The following DIS3L2 variants were observed in gnomAD, a reference collection of about 807,000 sequenced individuals.
DIS3L2 encodes the protein DIS3 like 3'-5' exoribonuclease 2.
In DIS3L2, 34 loss-of-function variants were observed where a neutral mutation model predicts 97.5. The ratio of observed to expected loss-of-function variants is 0.35; its 90% CI spans 0.27 to 0.46. The LOEUF (loss-of-function observed/expected upper bound fraction) is 0.46. Ranked by LOEUF, DIS3L2 falls within the 20% of genes least tolerant of loss-of-function variation. The pLI is 1.00. For missense variants in DIS3L2, 1,038 were observed against 1,146.0 expected, an observed-to-expected ratio of 0.91 and a Z score of 1.36; for synonymous variants, 435 against 445.2, an observed-to-expected ratio of 0.98 and a Z score of 0.29.
At chr2:232,238,121 G>A (rs2106251696) in intron 10 of DIS3L2, among the ~76,000 whole-genome samples, 1 of 152,300 alleles carries the variant, frequency 6.6e-6, no homozygotes, top group African/African-American at 2.4e-5. Context: ...GCAATGGCCA[G>A]AGGGAATGGG....
chr2:232,078,788 A>G (rs1269401522), intron 5 of DIS3L2, among the ~76,000 whole-genome samples: 4 of 152,226 alleles, frequency 2.6e-5, no homozygotes, highest in Non-Finnish European at 5.9e-5. Context: ...TAATGCAGTA[A>G]AGAAATTGAG....
intron 9 of DIS3L2, among the ~76,000 whole-genome samples, chr2:232,166,527 C>A (rs1016357202): frequency 6.6e-6 from 1 of 152,120 alleles, no homozygotes; most frequent in African/African-American, 2.4e-5. Context: ...ACCATCCTGG[C>A]CAACATGGTG....
intron 9 of DIS3L2, among the ~76,000 whole-genome samples, chr2:232,181,027 C>T (rs1160587138): frequency 6.2e-5 from 5 of 80,666 alleles, no homozygotes; most frequent in South Asian, 9.2e-4. Flanking sequence ...AATCTCTCAG[C>T]ATTTGCTTGT....
At chr2:232,049,379 C>G (rs937045398) in intron 5 of DIS3L2, among the ~76,000 whole-genome samples, 2 of 152,132 alleles carry the variant, frequency 1.3e-5, no homozygotes, top group Non-Finnish European at 2.9e-5. Flanking sequence ...GAAACATAAT[C>G]TCAAATGCAC....
At chr2:232,184,457 C>CCTGGG (rs1691380298) in intron 9 of DIS3L2, among the ~76,000 whole-genome samples, 2 of 152,086 alleles carry the variant, frequency 1.3e-5, no homozygotes, top group Non-Finnish European at 2.9e-5. Context: ...TCCAGACTAG[C>CCTGGG]CTGGGCAACA....
At chr2:232,329,785 T>TCCCGGGGGGCCCCC in intron 14 of DIS3L2, 28 bp from the exon 15 acceptor site, 51 of 967,112 alleles carry the variant, frequency 5.3e-5, no homozygotes, top group East Asian at 1.2e-4. Flanking sequence ...ACCCCAGCGG[T>TCCCGGGGGGCCCCC]CCCTCCCATC....
At chr2:232,128,036 C>T (rs1002866351) in intron 6 of DIS3L2, among the ~76,000 whole-genome samples, 5 of 151,924 alleles carry the variant, frequency 3.3e-5, no homozygotes, top group African/African-American at 1.2e-4. Context: ...CTGCAGCCTC[C>T]ACTTCCTGGG....
At chr2:232,324,474 A>C (rs7595985) in intron 14 of DIS3L2, among the ~76,000 whole-genome samples, 64,059 of 151,256 alleles carry the variant, frequency 0.42, 17,548 homozygotes, top group African/African-American at 0.78. Flanking sequence ...AAAATGGACT[A>C]ATTTTCAGCT....
At chr2:232,141,349 G>A (rs1034695637) in intron 8 of DIS3L2, among the ~76,000 whole-genome samples, 3 of 152,200 alleles carry the variant, frequency 2.0e-5, no homozygotes, top group African/African-American at 7.2e-5. Flanking sequence ...CAGCTACCGT[G>A]AGGAACTTAA....
intron 1 of DIS3L2, among the ~76,000 whole-genome samples, chr2:232,012,014 C>T (rs560957033): frequency 1.3e-5 from 2 of 152,344 alleles, no homozygotes; most frequent in East Asian, 3.9e-4. Flanking sequence ...CCTTCTAGTG[C>T]TTTGGTACCC....
intron 9 of DIS3L2, among the ~76,000 whole-genome samples, chr2:232,183,635 C>A (rs1691352535): frequency 6.6e-6 from 1 of 152,236 alleles, no homozygotes; most frequent in South Asian, 2.1e-4. Context: ...ATGCCTCATT[C>A]TCCAGCTTTT....
intron 9 of DIS3L2, among the ~76,000 whole-genome samples, chr2:232,201,427 C>T (rs537302052): frequency 1.1e-4 from 16 of 152,320 alleles, no homozygotes; most frequent in South Asian, 2.1e-4. Flanking sequence ...AAATCCAGAA[C>T]ATAAGACGCT....
At chr2:232,299,266 CTCTGTGG>C (rs1220054229) in intron 13 of DIS3L2, among the ~76,000 whole-genome samples, 1 of 152,236 alleles carries the variant, frequency 6.6e-6, no homozygotes, top group African/African-American at 2.4e-5. Flanking sequence ...GTTGCTTCTG[CTCTGTGG>C]TCTGTGGTCT....
rs1240309805 is a variant in DIS3L2, at chr2:232,330,588, TC to T, written c.1924-96del. 7 of 1,213,012 alleles carry T rather than the reference TC, an allele frequency of 5.8e-6. 1 individual carries two copies. The highest frequency in any genetic ancestry group is 4.9e-5 in the East Asian group (2 of 40,960). The allele number at this position is 1,213,012 out of a possible 1,614,324, so 75.1% of individuals were successfully genotyped here. On this transcript the variant is annotated intron_variant, in intron 15 of 20. Transcript: ENST00000325385. ...AGGGCTGAGCCCCACAGGCAACTCCTCCCCCCAGAGCCGGGCATGAGGTGCT... is the reference window on the plus strand; with the variant it reads ...AGGGCTGAGCCCCACAGGCAACTCCTCCCCCAGAGCCGGGCATGAGGTGCT...
intron 1 of DIS3L2, among the ~76,000 whole-genome samples, chr2:231,996,143 A>G (rs946040592): frequency 6.6e-6 from 1 of 152,258 alleles, no homozygotes; most frequent in Non-Finnish European, 1.5e-5. Context: ...GGATTTCACA[A>G]TTAGAATGTC....
rs971010896 is a variant in DIS3L2 at position 232,336,739 on chromosome 2, G to T, written c.*109G>T. The T allele has an allele frequency of 1.3e-6, 2 of 1,490,706 alleles. No individual in the cohort carries two copies. Among genetic ancestry groups the T allele is most frequent in the Non-Finnish European group, 1.8e-6 (2 of 1,131,346 alleles). 92.3% of individuals were successfully genotyped at this position (1,490,706 alleles called of 1,614,324 possible). A position where few individuals can be genotyped will look rare whatever the true frequency, so the allele number is the denominator to read the frequency against. The stretch of plus-strand genomic sequence containing the variant: ...TTTAATTTGGTTTTTAACAACTCAG[G>T]GGTTTGTTTTTATTTTTATTTAATT... On this transcript the variant is annotated 3_prime_UTR_variant, in exon 21 of 21. Coordinates refer to ENST00000325385, the MANE Select transcript of DIS3L2 (RefSeq NM_152383.5).
At chr2:231,972,558 T>C (rs1692951415) in intron 1 of DIS3L2, among the ~76,000 whole-genome samples, 1 of 152,048 alleles carries the variant, frequency 6.6e-6, no homozygotes, top group Admixed American at 6.6e-5. Flanking sequence ...TCTTTTTTCT[T>C]TTTGAGATGG....
In DIS3L2 at chr2:232,195,844, T is replaced by C. The variant is rs1020616003; in HGVS notation, c.1125-14482T>C. On this transcript the variant is annotated intron_variant, in intron 9 of 20. Coordinates refer to ENST00000325385, the MANE Select transcript of DIS3L2 (RefSeq NM_152383.5). ...TTGTGGCTCCTGGCTGCATATCTCTTAAACCATTATTTTAAATCTTGCTAA... is the reference window on the plus strand; with the variant it reads ...TTGTGGCTCCTGGCTGCATATCTCTCAAACCATTATTTTAAATCTTGCTAA... 2.6e-5 allele frequency among the ~76,000 whole-genome samples: 4 copies of C among 152,292 alleles called. No individual in the cohort carries two copies. The East Asian group carries it at 7.7e-4, about 29-fold the overall frequency.
At chr2:231,997,180 C>T (rs1693753361) in intron 1 of DIS3L2, among the ~76,000 whole-genome samples, 1 of 152,220 alleles carries the variant, frequency 6.6e-6, no homozygotes. Flanking sequence ...AATAAAGATT[C>T]CAAAATTTGC....
Sources: gnomAD v4.1 joint callset for allele counts (sites outside exome capture counted in the v4.1 genomes callset) on GRCh38, gnomAD v4.1.1 for gene constraint, MANE v1.5 for transcripts, NCBI Gene and HGNC (gene_info 2026-07-23, HGNC 2026-07-21) for gene names.